CLSTN2: variants seen among roughly 807,000 people sequenced by gnomAD.
CLSTN2 encodes the protein calsyntenin-2.
CLSTN2 carries 48 observed loss-of-function variants against 101.2 expected under a neutral mutation model. The ratio of observed to expected loss-of-function variants is 0.47; its 90% confidence interval spans 0.38 to 0.60. The LOEUF (loss-of-function observed/expected upper bound fraction) is 0.60. Among genes scored for constraint, CLSTN2 ranks in the 20% least tolerant of loss-of-function variants. CLSTN2 has a pLI of 0.00. For missense variants in CLSTN2, 1,160 were observed against 1,238.2 expected (o/e 0.94, Z 0.95); for synonymous variants, 481 against 463.6 (o/e 1.04, Z -0.48).
chr3:140,557,776 C>G (rs1278556289), intron 11 of CLSTN2, among the ~76,000 whole-genome samples: 1 of 152,198 alleles, frequency 6.6e-6, no homozygotes, highest in Non-Finnish European at 1.5e-5. Flanking sequence ...CTATCTGGCT[C>G]TGGGGTCCCC....
At chr3:139,978,648 TTGTGTGTGTG>T (rs552137591) in intron 1 of CLSTN2, among the ~76,000 whole-genome samples, 39,856 of 135,128 alleles carry the variant, frequency 0.29, 6,436 homozygotes, top group Middle Eastern at 0.38. Flanking sequence ...GGATGGGGGA[TTGTGTGTGTG>T]TGTGTGTGTG....
intron 1 of CLSTN2, among the ~76,000 whole-genome samples, chr3:140,157,137 A>T (rs1004047545): frequency 6.6e-6 from 1 of 152,172 alleles, no homozygotes; most frequent in African/African-American, 2.4e-5. Flanking sequence ...TTTTTTAAAG[A>T]AAAAGATTGC....
chr3:140,131,492 T>A (rs555062548), intron 1 of CLSTN2, among the ~76,000 whole-genome samples: 46 of 152,318 alleles, frequency 3.0e-4, no homozygotes, highest in African/African-American at 1.1e-3. Flanking sequence ...TATATTTATG[T>A]CCCTTTCTAT....
chr3:140,321,464 C>T (rs1423061534), intron 2 of CLSTN2, among the ~76,000 whole-genome samples: 2 of 152,162 alleles, frequency 1.3e-5, no homozygotes, highest in African/African-American at 4.8e-5. Context: ...CCTTCTTCTC[C>T]CCTTGCTCCC....
chr3:140,216,015 G>T (rs917377359), intron 2 of CLSTN2, among the ~76,000 whole-genome samples: 1 of 152,164 alleles, frequency 6.6e-6, no homozygotes, highest in Non-Finnish European at 1.5e-5. Context: ...GGAACTGCAC[G>T]GGACAGCAGG....
chr3:140,262,477 G>A (rs2086661571), intron 2 of CLSTN2, among the ~76,000 whole-genome samples: 1 of 110,026 alleles, frequency 9.1e-6, no homozygotes, highest in Non-Finnish European at 1.9e-5. Context: ...TATTTTTTAT[G>A]ATGAATTATG....
intron 1 of CLSTN2, among the ~76,000 whole-genome samples, chr3:139,970,536 A>C (rs1935678720): frequency 6.6e-6 from 1 of 152,228 alleles, no homozygotes; most frequent in Admixed American, 6.5e-5. Flanking sequence ...CCTTAGTGGA[A>C]GATCATTTAT....
At chr3:140,293,134 T>G (rs1034790370) in intron 2 of CLSTN2, among the ~76,000 whole-genome samples, 5 of 152,200 alleles carry the variant, frequency 3.3e-5, no homozygotes, top group Non-Finnish European at 7.3e-5. Context: ...GCAAGCTGAA[T>G]CTTCAGGGTG....
intron 1 of CLSTN2, among the ~76,000 whole-genome samples, chr3:140,154,399 G>T (rs2009915287): frequency 6.6e-6 from 1 of 151,864 alleles, no homozygotes; most frequent in African/African-American, 2.4e-5. Flanking sequence ...GTTAGGAGTG[G>T]GTATAATAAA....
chr3:140,431,534 ATC>A (rs1459766284), intron 5 of CLSTN2, among the ~76,000 whole-genome samples: 1 of 151,882 alleles, frequency 6.6e-6, no homozygotes, highest in Non-Finnish European at 1.5e-5. Context: ...TACCCTCACA[ATC>A]TCTTTCCTAT....
In CLSTN2 at chr3:140,454,917, C is replaced by A. The variant is rs1294235871; in HGVS notation, c.974-4604C>A. On this transcript the variant is annotated intron_variant, in intron 6 of 16. Transcript: ENST00000458420. Reference sequence around the variant, plus strand: ...ATTTGTGTTGTGAATAGAATACATTCTACCACCACAAAGTCCCAGCAGTCC... The same window carrying A: ...ATTTGTGTTGTGAATAGAATACATTATACCACCACAAAGTCCCAGCAGTCC... 2.6e-5 allele frequency among the ~76,000 whole-genome samples: 4 copies of A among 152,206 alleles called. No homozygotes were observed. In the East Asian group the frequency reaches 7.7e-4, roughly 29 times the overall value.
At chr3:140,340,018 G>A (rs1019280605) in intron 2 of CLSTN2, among the ~76,000 whole-genome samples, 2 of 152,194 alleles carry the variant, frequency 1.3e-5, no homozygotes, top group African/African-American at 2.4e-5. Flanking sequence ...TCCTGAAAAT[G>A]AGCGCATGAT....
chr3:140,442,907 A>T (rs1932992838), intron 5 of CLSTN2, among the ~76,000 whole-genome samples: 1 of 152,170 alleles, frequency 6.6e-6, no homozygotes, highest in African/African-American at 2.4e-5. Context: ...AGATGACAGC[A>T]CTCACTGCTG....
rs375124113 is a variant in CLSTN2, at chr3:140,443,774, GT to G, written c.788-4743del. Among the ~76,000 whole-genome samples the G allele has an allele frequency of 4.8e-3, 730 of 152,340 alleles. 9 individuals carry two copies. The highest frequency in any genetic ancestry group is 0.017 in the African/African-American group (699 of 41,580). On this transcript the variant is annotated intron_variant, in intron 5 of 16. Transcript: ENST00000458420. Reference sequence around the variant, plus strand: ...CGAGCCTTCATTGGAAGGTCCCTGTGTTAGGCCCTTAGCCTGGCATATCTCG... The same window carrying G: ...CGAGCCTTCATTGGAAGGTCCCTGTGTAGGCCCTTAGCCTGGCATATCTCG...
At position 140,448,663 on chromosome 3, in the gene CLSTN2, A is replaced by C. The variant is rs1224446944; in HGVS notation, c.932A>C (p.Asp311Ala). 11 of 1,614,042 alleles carry C rather than the reference A, an allele frequency of 6.8e-6. No homozygotes were observed. The highest frequency in any genetic ancestry group is 9.3e-6 in the Non-Finnish European group (11 of 1,179,926). ...ACTAATTACATTGGGAAGGGTTGTG[A>C]CCGGGAGACCTACTCTGAGAAATCC... Reference protein sequence around the residue: ...LQTNYIGKGCDRETYSEKSLQ... With the variant: ...LQTNYIGKGCARETYSEKSLQ... The change falls in exon 6 of 17, where the codon GAC becomes GCC. Residue 311 changes from aspartate (D) to alanine (A), a missense_variant. Coordinates refer to ENST00000458420, the MANE Select transcript of CLSTN2 (RefSeq NM_022131.3).
At position 140,236,258 on chromosome 3, in the gene CLSTN2, A is replaced by G. The variant is rs190740781; in HGVS notation, c.232+60185A>G. On this transcript the variant is annotated intron_variant, in intron 2 of 16. Coordinates refer to ENST00000458420, the MANE Select transcript of CLSTN2 (RefSeq NM_022131.3). ...TTTTAAACCTTAACATAGCCCTAAGAGTTAATTTCTATTTTTTAAACTGTA... is the reference window on the plus strand; with the variant it reads ...TTTTAAACCTTAACATAGCCCTAAGGGTTAATTTCTATTTTTTAAACTGTA... 1.3e-3 allele frequency among the ~76,000 whole-genome samples: 192 copies of G among 152,254 alleles called. 1 individual carries two copies. The highest frequency in any genetic ancestry group is 4.4e-3 in the African/African-American group (184 of 41,542).
chr3:140,320,774 A>G (rs2087276515), intron 2 of CLSTN2, among the ~76,000 whole-genome samples: 1 of 152,194 alleles, frequency 6.6e-6, no homozygotes, highest in Non-Finnish European at 1.5e-5. Flanking sequence ...CAAAAGCAGG[A>G]AAAGACCATT....
Position 140,562,379 on chromosome 3 carries a change from G to A in CLSTN2, c.2212+71G>A, listed in dbSNP as rs1424642102. The A allele has an allele frequency of 2.8e-6, 4 of 1,429,182 alleles. No homozygotes were observed. In the African/African-American group the frequency reaches 4.3e-5, roughly 15 times the overall value. 88.5% of individuals were successfully genotyped at this position (1,429,182 alleles called of 1,614,324 possible). On this transcript the variant is annotated intron_variant, in intron 13 of 16. Transcript: ENST00000458420. The stretch of plus-strand genomic sequence containing the variant: ...AATGTCCTTGTCCAGGGAGACATGA[G>A]TGAGATTGCACCTGTGAAGGAGCAC...
At chr3:140,515,075 T>C (rs1406611247) in intron 8 of CLSTN2, among the ~76,000 whole-genome samples, 2 of 152,124 alleles carry the variant, frequency 1.3e-5, no homozygotes, top group Non-Finnish European at 2.9e-5. Context: ...CTGTTCAGAG[T>C]TTCTGTTTCT....
Sources: gnomAD v4.1 joint callset for allele counts (sites outside exome capture counted in the v4.1 genomes callset) on GRCh38, gnomAD v4.1.1 for gene constraint, MANE v1.5 for transcripts, NCBI Gene and HGNC (gene_info 2026-07-23, HGNC 2026-07-21) for gene names.